AUTS2: variants seen among roughly 807,000 people sequenced by gnomAD.
AUTS2 encodes autism susceptibility gene 2 protein.
Under a neutral mutation model 112.4 loss-of-function variants are expected in AUTS2, and 17 were observed. That is an observed-to-expected ratio of 0.15 (90% CI 0.10 to 0.23). AUTS2 has a LOEUF of 0.23. Ranked by LOEUF, AUTS2 falls within the 10% of genes least tolerant of loss-of-function variation. The pLI is 1.00. For synonymous variants in AUTS2, 751 were observed against 702.7 expected (o/e 1.07, Z -1.09); for missense variants, 1,510 against 1,701.6 (o/e 0.89, Z 1.98).
At chr7:69,748,413 A>C (rs1787603033) in intron 1 of AUTS2, among the ~76,000 whole-genome samples, 1 of 152,208 alleles carries the variant, frequency 6.6e-6, no homozygotes, top group South Asian at 2.1e-4. Context: ...ACTTCCACTT[A>C]TCCACAAATC....
At chr7:70,240,529 G>A (rs148618007) in intron 4 of AUTS2, among the ~76,000 whole-genome samples, 23 of 152,204 alleles carry the variant, frequency 1.5e-4, no homozygotes, top group Non-Finnish European at 2.9e-4. Context: ...TCCTGACTCC[G>A]GTCTAGTATT....
intron 2 of AUTS2, among the ~76,000 whole-genome samples, chr7:70,001,917 G>T (rs1346011106): frequency 6.6e-6 from 1 of 151,806 alleles, no homozygotes; most frequent in Non-Finnish European, 1.5e-5. Flanking sequence ...CACCGTATTG[G>T]TCAGGCTGGT....
At chr7:69,825,997 A>G (rs893519405) in intron 1 of AUTS2, 1 of 152,204 alleles carries the variant, frequency 6.6e-6, no homozygotes, top group African/African-American at 2.4e-5. Flanking sequence ...GCTCTTAAAC[A>G]CAGACACCTT....
chr7:69,996,081 G>A (rs964918138), intron 2 of AUTS2, among the ~76,000 whole-genome samples: 24 of 152,142 alleles, frequency 1.6e-4, no homozygotes, highest in African/African-American at 4.8e-4. Context: ...AGTTCACTCC[G>A]TAAGGAGCTT....
intron 2 of AUTS2, among the ~76,000 whole-genome samples, chr7:70,064,260 C>G (rs1802387967): frequency 6.6e-6 from 1 of 152,156 alleles, no homozygotes; most frequent in Non-Finnish European, 1.5e-5. Context: ...TCAGCTAAAC[C>G]TGAATCATTG....
chr7:70,250,507 C>T (rs1786535131), intron 4 of AUTS2, among the ~76,000 whole-genome samples: 1 of 152,162 alleles, frequency 6.6e-6, no homozygotes, highest in Admixed American at 6.6e-5. Context: ...CCCATATATA[C>T]CACGCTGTTC....
Position 70,246,895 on chromosome 7 carries a change from TG to T in AUTS2, c.660+112325del, listed in dbSNP as rs201328659. Among the ~76,000 whole-genome samples, 107 of 152,236 alleles carry T rather than the reference TG, an allele frequency of 7.0e-4. 1 individual carries two copies. In the East Asian group the frequency reaches 0.018, roughly 25 times the overall value. On this transcript the variant is annotated intron_variant, in intron 4 of 18. Coordinates refer to ENST00000342771, the MANE Select transcript of AUTS2 (RefSeq NM_015570.4). ...GAAAATTTTATGGTTTTTCTCTATA[TG>T]TTTTTTTTATTACCTATTTGCAAAT...
intron 1 of AUTS2, among the ~76,000 whole-genome samples, chr7:69,819,357 CTT>C (rs1290930632): frequency 6.6e-6 from 1 of 152,194 alleles, no homozygotes; most frequent in Non-Finnish European, 1.5e-5. Flanking sequence ...GTTTCATTGA[CTT>C]TAATACGAAG....
At chr7:70,100,436 T>C (rs1321151447) in intron 2 of AUTS2, among the ~76,000 whole-genome samples, 1 of 152,142 alleles carries the variant, frequency 6.6e-6, no homozygotes, top group Non-Finnish European at 1.5e-5. Flanking sequence ...ACCATTTTTT[T>C]TTTTTTAAAT....
chr7:69,930,078 T>C (rs1796169992), intron 2 of AUTS2, among the ~76,000 whole-genome samples: 1 of 152,222 alleles, frequency 6.6e-6, no homozygotes, highest in Non-Finnish European at 1.5e-5. Flanking sequence ...TATTCCTCAT[T>C]ACTTTTGCAA....
chr7:70,757,125 C>CT (rs1789261818), intron 6 of AUTS2, among the ~76,000 whole-genome samples: 1 of 152,180 alleles, frequency 6.6e-6, no homozygotes, highest in Non-Finnish European at 1.5e-5. Flanking sequence ...CTTTTTTGCA[C>CT]TGAAAAACAC....
intron 4 of AUTS2, among the ~76,000 whole-genome samples, chr7:70,212,889 A>G (rs946615731): frequency 6.6e-6 from 1 of 152,166 alleles, no homozygotes; most frequent in Admixed American, 6.5e-5. Flanking sequence ...CACTTTACAC[A>G]TCCATGTGTA....
At chr7:70,238,373 C>T (rs1317553341) in intron 4 of AUTS2, among the ~76,000 whole-genome samples, 1 of 152,202 alleles carries the variant, frequency 6.6e-6, no homozygotes, top group African/African-American at 2.4e-5. Context: ...GGCCTTTTGA[C>T]AGGACCAACA....
intron 2 of AUTS2, among the ~76,000 whole-genome samples, chr7:70,021,067 C>T (rs938331421): frequency 1.3e-5 from 2 of 152,094 alleles, no homozygotes; most frequent in African/African-American, 4.8e-5. Context: ...ACCGCAACCT[C>T]CGCCTCCTGG....
rs146217097 is a variant in AUTS2 at position 70,235,547 on chromosome 7, T to C, written c.660+100976T>C. Among the ~76,000 whole-genome samples, 873 of 152,352 alleles carry C rather than the reference T, an allele frequency of 5.7e-3. 6 individuals are homozygous for C. Among genetic ancestry groups the C allele is most frequent in the Non-Finnish European group, 9.9e-3 (675 of 68,032 alleles). On this transcript the variant is annotated intron_variant, in intron 4 of 18. Transcript: ENST00000342771. ...CTATACTACCTTTATTATCACGTAA[T>C]AACTAAAATACGTACTATCTGTTTT...
chr7:69,770,434 A>G (rs1313264296), intron 1 of AUTS2, among the ~76,000 whole-genome samples: 1 of 152,126 alleles, frequency 6.6e-6, no homozygotes, highest in Non-Finnish European at 1.5e-5. Flanking sequence ...GGATTTCCAG[A>G]GAGGCAGGTG....
At position 70,582,566 on chromosome 7, in the gene AUTS2, G is replaced by C. The variant is rs553635388; in HGVS notation, c.691-116003G>C. ...CACAGGTATTTTCCCCTCTGGGGAA[G>C]CTTGGGACTCACCACTTCACAGAAT... On this transcript the variant is annotated intron_variant, in intron 5 of 18. Transcript: ENST00000342771. 2.0e-5 allele frequency among the ~76,000 whole-genome samples: 3 copies of C among 152,346 alleles called. No homozygotes were observed. The East Asian group carries it at 5.8e-4, about 29-fold the overall frequency.
At chr7:69,964,810 T>TTGTCACTC (rs2129547339) in intron 2 of AUTS2, among the ~76,000 whole-genome samples, 1 of 152,172 alleles carries the variant, frequency 6.6e-6, no homozygotes, top group East Asian at 1.9e-4. Flanking sequence ...AGTTGGTCAG[T>TTGTCACTC]TGTCACTCTG....
chr7:70,703,473 AGAGT>A (rs1235657061), intron 6 of AUTS2, among the ~76,000 whole-genome samples: 7 of 132,932 alleles, frequency 5.3e-5, no homozygotes, highest in Non-Finnish European at 9.3e-5. Flanking sequence ...CCTGGGCGAC[AGAGT>A]GAGACACCAT....
Sources: gnomAD v4.1 joint callset for allele counts (sites outside exome capture counted in the v4.1 genomes callset) on GRCh38, gnomAD v4.1.1 for gene constraint, MANE v1.5 for transcripts, NCBI Gene and HGNC (gene_info 2026-07-23, HGNC 2026-07-21) for gene names.